RNF168: variants seen among roughly 807,000 people sequenced by gnomAD.
RNF168 encodes ring finger protein 168.
In RNF168, 34 loss-of-function variants were observed where a neutral mutation model predicts 34.9. The observed-to-expected ratio is 0.97, with a 90% CI of 0.74 to 1.30. RNF168 has a LOEUF of 1.30. RNF168 is among the 50% of genes most tolerant of loss of function. The probability of loss-of-function intolerance (pLI) is 0.00; values close to 1 mark genes in which losing one functional copy is unlikely to be tolerated. For synonymous variants in RNF168, 264 were observed against 254.7 expected, an observed-to-expected ratio of 1.04 and a Z score of -0.35; for missense variants, 725 against 682.5, an observed-to-expected ratio of 1.06 and a Z score of -0.69.
chr3:196,482,026 A>C (rs1392057012), intron 4 of RNF168, among the ~76,000 whole-genome samples: 6 of 146,212 alleles, frequency 4.1e-5, no homozygotes, highest in Non-Finnish European at 9.0e-5. Flanking sequence ...TCCCAAACTC[A>C]AACTCCCTGG....
chr3:196,499,244 T>C (rs1033468983), intron 1 of RNF168, among the ~76,000 whole-genome samples: 4 of 150,088 alleles, frequency 2.7e-5, no homozygotes, highest in Non-Finnish European at 5.9e-5. Flanking sequence ...TACGTGCCAA[T>C]GGAGGCAGAG....
Position 196,503,537 on chromosome 3 carries a change from A to G in RNF168, c.-364T>C. On this transcript the variant is annotated 5_prime_UTR_variant, in exon 1 of 6. Coordinates refer to ENST00000318037, the MANE Select transcript of RNF168 (RefSeq NM_152617.4). Reference sequence around the variant, plus strand: ...AGTCCTCTCCTCCCCTCACCCGGAAAGGATGCTCCGCTCAGCTCGGGGCAG... The same window carrying G: ...AGTCCTCTCCTCCCCTCACCCGGAAGGGATGCTCCGCTCAGCTCGGGGCAG... The G allele has an allele frequency of 3.0e-6, 1 of 336,446 alleles. No homozygotes were observed. The highest frequency in any genetic ancestry group is 5.8e-6 in the Non-Finnish European group (1 of 173,500). 20.8% of individuals were successfully genotyped at this position (336,446 alleles called of 1,614,324 possible).
intron 4 of RNF168, among the ~76,000 whole-genome samples, chr3:196,476,100 T>TC (rs768138157): frequency 2.0e-5 from 3 of 151,980 alleles, no homozygotes; most frequent in Non-Finnish European, 2.9e-5. Context: ...GCTCAGGTGA[T>TC]CCGCCTGTCT....
rs773012504 is a variant in RNF168 at position 196,503,135 on chromosome 3, C to T, written c.39G>A (p.Glu13=). 2.5e-6 allele frequency: 4 copies of T among 1,613,990 alleles called. No individual in the cohort carries two copies. Among genetic ancestry groups the T allele is most frequent in the Non-Finnish European group, 2.5e-6 (3 of 1,180,016 alleles). ...TTTCCATGCAGATCCCGCACTGGCA[C>T]TCGGACAGCGAGGGGATGGCGTCTT... ...LPKDAIPSLS[E]CQCGICMEIL... The change falls in exon 1 of 6, where the codon GAG becomes GAA. Residue 13 remains glutamate (E), a synonymous_variant. Coordinates refer to ENST00000318037, the MANE Select transcript of RNF168 (RefSeq NM_152617.4).
intron 1 of RNF168, among the ~76,000 whole-genome samples, chr3:196,489,374 T>C (rs906498607): frequency 2.6e-5 from 4 of 151,898 alleles, no homozygotes; most frequent in African/African-American, 9.7e-5. Context: ...TCACCCAGGC[T>C]GGAGTGCAGT....
chr3:196,501,224 A>G (rs1462855533), intron 1 of RNF168, among the ~76,000 whole-genome samples: 1 of 152,250 alleles, frequency 6.6e-6, no homozygotes, highest in East Asian at 1.9e-4. Flanking sequence ...TTCCACTCGT[A>G]GATATATAGA....
At position 196,475,231 on chromosome 3, in the gene RNF168, C is replaced by G. The variant is rs375662629; in HGVS notation, c.762G>C (p.Lys254Asn). 13 of 1,547,384 alleles carry G rather than the reference C, an allele frequency of 8.4e-6. No homozygotes were observed. The highest frequency in any genetic ancestry group is 8.9e-6 in the Non-Finnish European group (10 of 1,119,106). The change falls in exon 5 of 6, where the codon AAG (lysine) becomes AAC (asparagine). Residue 254 changes from lysine to asparagine, a missense_variant and splice_region_variant. Lys to Asn is a moderately conservative substitution (Grantham distance 94). Coordinates refer to ENST00000318037, the MANE Select transcript of RNF168 (RefSeq NM_152617.4). ...VQEVRKDSVS[K>N]DIDSSDRKSP... ...CAGAACATCTTCAGTATCAACATAC[C>G]TTAGATACGGAGTCTTTCCTGACTT... is the stretch of plus-strand genomic sequence containing the variant.
chr3:196,498,161 CTTCT>C (rs528531102), intron 1 of RNF168, among the ~76,000 whole-genome samples: 116 of 152,120 alleles, frequency 7.6e-4, no homozygotes, highest in African/African-American at 2.7e-3. Flanking sequence ...CTGGTAGTTT[CTTCT>C]TTCTTTTTTT....
chr3:196,488,758 G>A (rs185063247), intron 1 of RNF168, 75 bp from the exon 2 acceptor site: 38 of 890,904 alleles, frequency 4.3e-5, no homozygotes, highest in Non-Finnish European at 6.0e-5. Context: ...CCATTAAAAC[G>A]AAAAATTAAA....
At position 196,475,742 on chromosome 3, in the gene RNF168, A is replaced by G. The variant is rs543842232; in HGVS notation, c.681-430T>C. 1.5e-3 allele frequency among the ~76,000 whole-genome samples: 216 copies of G among 148,184 alleles called. 2 individuals are homozygous for G. Among genetic ancestry groups the G allele is most frequent in the African/African-American group, 5.0e-3 (202 of 40,194 alleles). ...ATATTTTGTATTTTTAGTAGAGACGAGGTTTCACCGTGTTAGCCAGGATGG... is the reference window on the plus strand; with the variant it reads ...ATATTTTGTATTTTTAGTAGAGACGGGGTTTCACCGTGTTAGCCAGGATGG... On this transcript the variant is annotated intron_variant, in intron 4 of 5. Transcript: ENST00000318037.
intron 3 of RNF168, among the ~76,000 whole-genome samples, 197 bp downstream of exon 3, chr3:196,487,202 C>T (rs891863234): frequency 1.3e-5 from 2 of 152,200 alleles, no homozygotes; most frequent in Non-Finnish European, 2.9e-5. Flanking sequence ...ACAGTCAAAG[C>T]AATCGGAATG....
chr3:196,487,485 T>C lies in RNF168; in HGVS notation c.472A>G (p.Lys158Glu). Residue 158 changes from lysine (K) to glutamate (E), a missense_variant, in exon 3 of 6, where the codon AAA becomes GAA. By Grantham distance (56) the Lys-to-Glu change is moderately conservative. Transcript: ENST00000318037. ...RLLAEEEEEE[K>E]RQAEKRRRAM... The stretch of plus-strand genomic sequence containing the variant: ...CTTCGCCTTTTTTCTGCCTGTCTTT[T>C]TTCCTCTTCTTCCTCCTCTGCCAAC... 6.2e-7 allele frequency: 1 copy of C among 1,614,214 alleles called. No individual in the cohort carries two copies. The highest frequency in any genetic ancestry group is 2.2e-5 in the East Asian group (1 of 44,894).
intron 1 of RNF168, 99 bp downstream of exon 1, chr3:196,502,774 G>A: frequency 9.3e-7 from 1 of 1,076,808 alleles, no homozygotes; most frequent in Non-Finnish European, 1.4e-6. Flanking sequence ...TACTAGTCGG[G>A]TTTTTTGGTT....
chr3:196,474,655 T>G (rs1292563636), intron 5 of RNF168: 1 of 154,340 alleles, frequency 6.5e-6, no homozygotes, highest in African/African-American at 2.4e-5. Flanking sequence ...TCCATGTTGG[T>G]CAGGCTGATC....
Position 196,503,143 on chromosome 3 carries a change from G to A in RNF168, c.31C>T (p.Leu11=), listed in dbSNP as rs202154625. 1.2e-5 allele frequency: 20 copies of A among 1,614,192 alleles called. No individual in the cohort carries two copies. The highest frequency in any genetic ancestry group is 3.3e-4 in the Middle Eastern group (2 of 6,062). Residue 11 remains leucine, a synonymous_variant, in exon 1 of 6, where the codon CTG becomes TTG. Coordinates refer to ENST00000318037, the MANE Select transcript of RNF168 (RefSeq NM_152617.4). Reference sequence around the variant, plus strand: ...CAGATCCCGCACTGGCACTCGGACAGCGAGGGGATGGCGTCTTTGGGTAGA... The same window carrying A: ...CAGATCCCGCACTGGCACTCGGACAACGAGGGGATGGCGTCTTTGGGTAGA... The part of the protein sequence containing the change: MALPKDAIPS[L]SECQCGICME...
At position 196,471,914 on chromosome 3, in the gene RNF168, T is replaced by C. The variant is rs774725785; in HGVS notation, c.1621A>G (p.Arg541Gly). Residue 541 changes from arginine (R) to glycine (G), a missense_variant, in exon 6 of 6, where the codon AGA (arginine) becomes GGA (glycine). By Grantham distance (125) the Arg-to-Gly change is moderately radical (BLOSUM62 -2). Transcript: ENST00000318037. ...VNRRKMPNST[R>G]DHCKVSKSAH... ...CTTTTGGATACCTTACAGTGATCTCTAGTAGAATTTGGCATCTTTCTTCTA... is the reference window on the plus strand; with the variant it reads ...CTTTTGGATACCTTACAGTGATCTCCAGTAGAATTTGGCATCTTTCTTCTA... 6.2e-7 allele frequency: 1 copy of C among 1,613,252 alleles called. No homozygotes were observed. The highest frequency in any genetic ancestry group is 1.1e-5 in the South Asian group (1 of 91,060).
rs781003617 is a variant in RNF168 at position 196,472,544 on chromosome 3, C to T, written c.991G>A (p.Glu331Lys). Residue 331 changes from glutamate to lysine, a missense_variant, in exon 6 of 6, where the codon GAG becomes AAG. By Grantham distance (56) the Glu-to-Lys change is moderately conservative. Coordinates refer to ENST00000318037, the MANE Select transcript of RNF168 (RefSeq NM_152617.4). ...HGKELCVLSH[E>K]RPKTRVPYSK... ...TAGGGAACTCTGGTTTTAGGTCGCT[C>T]GTGACTTAAGACACATAACTCTTTC... The T allele has an allele frequency of 6.2e-6, 10 of 1,614,034 alleles. No individual in the cohort carries two copies. In the East Asian group the frequency reaches 6.7e-5, roughly 11 times the overall value.
chr3:196,500,554 A>G (rs952033466), intron 1 of RNF168, among the ~76,000 whole-genome samples: 2 of 152,166 alleles, frequency 1.3e-5, no homozygotes, highest in Admixed American at 6.5e-5. Flanking sequence ...TGGGAGGATT[A>G]AAAAGTTCTG....
rs902465792 is a variant in RNF168, at chr3:196,469,042, T to C, written c.*2777A>G. 3.3e-5 allele frequency: 5 copies of C among 152,190 alleles called. No individual in the cohort carries two copies. Among genetic ancestry groups the C allele is most frequent in the African/African-American group, 1.2e-4 (5 of 41,448 alleles). The allele number at this position is 152,190 out of a possible 1,614,324, so 9.4% of individuals were successfully genotyped here. A position where few individuals can be genotyped will look rare whatever the true frequency, so the allele number is the denominator to read the frequency against. On this transcript the variant is annotated 3_prime_UTR_variant, in exon 6 of 6. Transcript: ENST00000318037. ...CTTCACAGAGAATGAGCTGAATATA[T>C]AAATCCCAAATATATCACACCATAT...
Sources: gnomAD v4.1 joint callset for allele counts (sites outside exome capture counted in the v4.1 genomes callset) on GRCh38, gnomAD v4.1.1 for gene constraint, MANE v1.5 for transcripts, NCBI Gene and HGNC (gene_info 2026-07-23, HGNC 2026-07-21) for gene names.